ZNF385B: variants seen among roughly 807,000 people sequenced by gnomAD.
ZNF385B encodes the protein zinc finger protein 385B.
A neutral mutation model predicts 39.2 loss-of-function variants in ZNF385B; 23 were observed. That is an observed-to-expected ratio of 0.59 (90% CI 0.42 to 0.83). The LOEUF (loss-of-function observed/expected upper bound fraction) is 0.83. Ranked by LOEUF, ZNF385B falls within the 40% of genes least tolerant of loss-of-function variation. The probability of loss-of-function intolerance (pLI) is 0.00; values close to 1 mark genes in which losing one functional copy is unlikely to be tolerated. For synonymous variants in ZNF385B, 205 were observed against 222.6 expected (o/e 0.92, Z 0.70); for missense variants, 552 against 598.9 (o/e 0.92, Z 0.82).
intron 3 of ZNF385B, among the ~76,000 whole-genome samples, chr2:179,728,873 A>T (rs1044691287): frequency 2.0e-5 from 3 of 152,118 alleles, no homozygotes; most frequent in African/African-American, 7.2e-5. Context: ...AGATTAAGTC[A>T]GGAAACTATT....
At chr2:179,726,839 T>C (rs1362227040) in intron 3 of ZNF385B, among the ~76,000 whole-genome samples, 1 of 152,102 alleles carries the variant, frequency 6.6e-6, no homozygotes, top group East Asian at 1.9e-4. Flanking sequence ...GTCAGTTTTG[T>C]AGATGTATAG....
intron 3 of ZNF385B, among the ~76,000 whole-genome samples, chr2:179,608,500 A>G (rs1189616705): frequency 6.6e-6 from 1 of 152,034 alleles, no homozygotes; most frequent in African/African-American, 2.4e-5. Context: ...CCAGCACAAT[A>G]TTTCATCGTT....
rs1162190999 is a variant in ZNF385B at position 179,493,789 on chromosome 2, G to GTGTA, written c.553-10356_553-10355insTACA. Reference sequence around the variant, plus strand: ...TATACATATATGTATATACACATATGTATACATATATGTATATATACATAT... The same window carrying GTGTA: ...TATACATATATGTATATACACATATGTGTATATACATATATGTATATATACATAT... On this transcript the variant is annotated intron_variant, in intron 5 of 9. Transcript: ENST00000410066. Among the ~76,000 whole-genome samples, 361 of 113,170 alleles carry GTGTA rather than the reference G, an allele frequency of 3.2e-3. 17 individuals carry two copies. The highest frequency in any genetic ancestry group is 4.0e-3 in the Admixed American group (47 of 11,654). 74.2% of individuals were successfully genotyped at this position (113,170 alleles called of 152,430 possible).
intron 3 of ZNF385B, among the ~76,000 whole-genome samples, chr2:179,743,164 C>T (rs1702176396): frequency 6.6e-6 from 1 of 151,994 alleles, no homozygotes; most frequent in Non-Finnish European, 1.5e-5. Context: ...TCAATGCCCT[C>T]TAAGTTTCTA....
rs111761633 is a variant in ZNF385B, at chr2:179,730,028, T to G, written c.298+39475A>C. 3.4e-4 allele frequency among the ~76,000 whole-genome samples: 52 copies of G among 152,326 alleles called. 1 individual carries two copies. The highest frequency in any genetic ancestry group is 1.2e-3 in the African/African-American group (49 of 41,576). ...TCTTTATAGCAGTGCAGAAACAGAC[T>G]AATACACCATAGTATCCCCAGGCTA... On this transcript the variant is annotated intron_variant, in intron 3 of 9. Transcript: ENST00000410066.
At chr2:179,714,986 C>A (rs1419838012) in intron 3 of ZNF385B, among the ~76,000 whole-genome samples, 1 of 140,660 alleles carries the variant, frequency 7.1e-6, no homozygotes, top group Admixed American at 7.2e-5. Context: ...TAGAACTGTT[C>A]TAATGCTGGC....
At chr2:179,581,017 T>C (rs1231482157) in intron 3 of ZNF385B, among the ~76,000 whole-genome samples, 1 of 152,170 alleles carries the variant, frequency 6.6e-6, no homozygotes, top group Non-Finnish European at 1.5e-5. Flanking sequence ...AATGAAACTG[T>C]CCAAGTTCAG....
chr2:179,820,210 G>T (rs949231221), intron 1 of ZNF385B, among the ~76,000 whole-genome samples: 2 of 151,984 alleles, frequency 1.3e-5, no homozygotes, highest in Middle Eastern at 3.5e-3. Flanking sequence ...CTCTTTTCCA[G>T]TTTACTATGT....
At chr2:179,541,683 T>G (rs887416578) in intron 4 of ZNF385B, among the ~76,000 whole-genome samples, 1 of 152,154 alleles carries the variant, frequency 6.6e-6, no homozygotes, top group Non-Finnish European at 1.5e-5. Context: ...AACAAGAAAT[T>G]ATAGCTGTTT....
intron 3 of ZNF385B, among the ~76,000 whole-genome samples, chr2:179,625,701 T>C (rs559476451): frequency 6.6e-6 from 1 of 152,194 alleles, no homozygotes; most frequent in Admixed American, 6.6e-5. Flanking sequence ...GTAATTGAGA[T>C]AATAGGGCTG....
At chr2:179,485,659 C>T (rs1028178) in intron 5 of ZNF385B, among the ~76,000 whole-genome samples, 22,292 of 152,160 alleles carry the variant, frequency 0.15, 1,958 homozygotes, top group Middle Eastern at 0.21. Context: ...GTGAGTTAAA[C>T]ATCATATCTA....
At chr2:179,632,783 C>A (rs747298097) in intron 3 of ZNF385B, among the ~76,000 whole-genome samples, 2 of 151,908 alleles carry the variant, frequency 1.3e-5, no homozygotes, top group Admixed American at 6.6e-5. Context: ...TTGAAAAGAT[C>A]AAGAAAATTG....
chr2:179,560,732 CTT>C (rs1014659089), intron 3 of ZNF385B, among the ~76,000 whole-genome samples: 1 of 152,112 alleles, frequency 6.6e-6, no homozygotes, highest in African/African-American at 2.4e-5. Context: ...TCTTTCATCT[CTT>C]TGTCTTTGGC....
chr2:179,627,676 T>A lies in ZNF385B; in HGVS notation c.299-82707A>T, dbSNP rs925751. 5.5e-4 allele frequency among the ~76,000 whole-genome samples: 84 copies of A among 152,106 alleles called. No homozygotes were observed. The East Asian group carries it at 0.013, about 23-fold the overall frequency. ...ATCAGCCTTGGTGGGAGTATTCACA[T>A]GTTGCAAACTGGTAAATACTACAAA... On this transcript the variant is annotated intron_variant, in intron 3 of 9. Coordinates refer to ENST00000410066, the MANE Select transcript of ZNF385B (RefSeq NM_152520.6).
chr2:179,560,924 T>C (rs541281813), intron 3 of ZNF385B, among the ~76,000 whole-genome samples: 124 of 152,330 alleles, frequency 8.1e-4, no homozygotes, highest in Non-Finnish European at 1.4e-3. Flanking sequence ...GTCATGTCAA[T>C]TGCAACAAGT....
intron 3 of ZNF385B, among the ~76,000 whole-genome samples, chr2:179,766,101 C>T (rs1703677667): frequency 6.6e-6 from 1 of 151,360 alleles, no homozygotes. Context: ...AAGAATCTTC[C>T]TGTTGTTCTA....
intron 1 of ZNF385B, among the ~76,000 whole-genome samples, chr2:179,774,021 G>C (rs1446646043): frequency 2.6e-5 from 4 of 152,032 alleles, no homozygotes; most frequent in African/African-American, 4.8e-5. Context: ...TGTGCTTTAT[G>C]TGTTTGTGGT....
At chr2:179,827,899 T>C (rs165378) in intron 1 of ZNF385B, among the ~76,000 whole-genome samples, 150,755 of 152,284 alleles carry the variant, frequency 0.99, 74,638 homozygotes, top group Middle Eastern at 1. Context: ...GTAACCACTA[T>C]CCTGACTTTT....
intron 5 of ZNF385B, among the ~76,000 whole-genome samples, chr2:179,487,376 G>A (rs2054691714): frequency 6.6e-6 from 1 of 152,236 alleles, no homozygotes; most frequent in East Asian, 1.9e-4. Context: ...CTTATATTTG[G>A]CATCTTTCCC....
Sources: gnomAD v4.1 joint callset for allele counts (sites outside exome capture counted in the v4.1 genomes callset) on GRCh38, gnomAD v4.1.1 for gene constraint, MANE v1.5 for transcripts, NCBI Gene and HGNC (gene_info 2026-07-23, HGNC 2026-07-21) for gene names.